Variants in MAST2 observed in about 807,000 individuals in gnomAD.
The protein encoded by MAST2 is microtubule-associated serine/threonine-protein kinase 2.
Under a neutral mutation model 147.4 loss-of-function variants are expected in MAST2, and 70 were observed. The ratio of observed to expected loss-of-function variants is 0.47; its 90% CI spans 0.39 to 0.58. MAST2 has a LOEUF of 0.58. MAST2 is among the 20% of genes least tolerant of loss of function. The probability of loss-of-function intolerance (pLI) is 0.00; values close to 1 mark genes in which losing one functional copy is unlikely to be tolerated. For missense variants in MAST2, 2,080 were observed against 2,302.3 expected, an observed-to-expected ratio of 0.90 and a Z score of 1.98; for synonymous variants, 869 against 896.8, an observed-to-expected ratio of 0.97 and a Z score of 0.55.
chr1:45,895,614 T>C (rs1011082561), intron 4 of MAST2, among the ~76,000 whole-genome samples: 1 of 152,238 alleles, frequency 6.6e-6, no homozygotes, highest in Non-Finnish European at 1.5e-5. Context: ...GTTAATTCTT[T>C]GGACATTTGG....
chr1:45,847,740 G>A (rs2147961605), intron 3 of MAST2: 1 of 247,564 alleles, frequency 4.0e-6, no homozygotes, highest in East Asian at 1.1e-4. Flanking sequence ...TTTTTTTTAA[G>A]ATGAGATTTT....
At chr1:45,921,081 C>T (rs1298920011) in intron 4 of MAST2, among the ~76,000 whole-genome samples, 1 of 152,168 alleles carries the variant, frequency 6.6e-6, no homozygotes, top group East Asian at 1.9e-4. Context: ...CTGCAAGCTC[C>T]ATCTCCCGGG....
chr1:45,984,391 C>A (rs1235942372), intron 5 of MAST2, among the ~76,000 whole-genome samples: 1 of 151,464 alleles, frequency 6.6e-6, no homozygotes, highest in Non-Finnish European at 1.5e-5. Flanking sequence ...GCAGCGTTGA[C>A]CTCCTGGGCT....
chr1:46,019,688 G>A lies in MAST2; in HGVS notation c.1281G>A (p.Leu427=). The A allele has an allele frequency of 6.2e-7, 1 of 1,614,122 alleles. No homozygotes were observed. The highest frequency in any genetic ancestry group is 8.5e-7 in the Non-Finnish European group (1 of 1,179,978). Residue 427 remains leucine (L), a synonymous_variant, in exon 11 of 29, where the codon CTG becomes CTA. Transcript: ENST00000361297. ...TCATTGCCCGCCCAGCACGTCTCCT[G>A]GAATGCCTGGTGAGTGGACTCTAGG... ...MIIIARPARL[L]ECLEFDPEEF... is the part of the protein sequence containing the mutation.
intron 5 of MAST2, among the ~76,000 whole-genome samples, chr1:45,990,906 T>TC (rs1557436533): frequency 3.3e-5 from 5 of 152,238 alleles, no homozygotes; most frequent in Admixed American, 1.3e-4. Flanking sequence ...ATGTTTTTTT[T>TC]CATGGTTTTG....
chr1:45,922,320 C>G (rs376456648), intron 4 of MAST2, among the ~76,000 whole-genome samples: 1 of 152,252 alleles, frequency 6.6e-6, no homozygotes, highest in Admixed American at 6.5e-5. Flanking sequence ...TGGGTCTTCA[C>G]TGTGGACCAG....
intron 3 of MAST2, among the ~76,000 whole-genome samples, chr1:45,875,454 A>G (rs913652836): frequency 6.6e-6 from 1 of 152,204 alleles, no homozygotes; most frequent in African/African-American, 2.4e-5. Context: ...TCAAAAAAAT[A>G]AAAAGTTATT....
At chr1:45,814,095 A>G (rs1644381387) in intron 1 of MAST2, among the ~76,000 whole-genome samples, 1 of 152,246 alleles carries the variant, frequency 6.6e-6, no homozygotes, top group Non-Finnish European at 1.5e-5. Flanking sequence ...GGTACAGCAC[A>G]TAGAGTTAGT....
intron 4 of MAST2, among the ~76,000 whole-genome samples, 175 bp from the exon 5 acceptor site, chr1:45,959,211 C>T (rs955250987): frequency 6.6e-6 from 1 of 152,146 alleles, no homozygotes; most frequent in African/African-American, 2.4e-5. Context: ...AGGAGGAACA[C>T]AGTGCTTTAT....
chr1:45,998,171 C>T (rs577994026), intron 6 of MAST2, among the ~76,000 whole-genome samples: 1 of 152,300 alleles, frequency 6.6e-6, no homozygotes, highest in African/African-American at 2.4e-5. Context: ...AAGCTCTCCT[C>T]CAGGAGGACC....
intron 5 of MAST2, among the ~76,000 whole-genome samples, chr1:45,992,848 T>G (rs1413469988): frequency 1.3e-5 from 2 of 152,158 alleles, no homozygotes; most frequent in Admixed American, 1.3e-4. Flanking sequence ...TTTTTCTCCT[T>G]CCGTGATCTT....
In MAST2 at chr1:45,883,503, G is replaced by A. The variant is rs1415592029; in HGVS notation, c.500+1108G>A. On this transcript the variant is annotated intron_variant, in intron 4 of 28. Coordinates refer to ENST00000361297, the MANE Select transcript of MAST2 (RefSeq NM_015112.3). ...CCATTTAACTAGCTTTGTAAACCTAGACAAATCACTTTATCTTCTTAAACC... is the reference window on the plus strand; with the variant it reads ...CCATTTAACTAGCTTTGTAAACCTAAACAAATCACTTTATCTTCTTAAACC... 4.6e-5 allele frequency among the ~76,000 whole-genome samples: 7 copies of A among 152,170 alleles called. No homozygotes were observed. In the East Asian group the frequency reaches 1.3e-3, roughly 29 times the overall value.
intron 3 of MAST2, among the ~76,000 whole-genome samples, chr1:45,873,346 C>G (rs1191726761): frequency 6.6e-6 from 1 of 151,974 alleles, no homozygotes; most frequent in Non-Finnish European, 1.5e-5. Flanking sequence ...GCGTGCACCA[C>G]CACTCCTGGC....
rs555351080 is a variant in MAST2 at position 46,015,848 on chromosome 1, C to A, written c.1189-3748C>A. ...TATGATGCCAGCATCATCCTGATAC[C>A]AAAGCCGGGCAGAGACACAACTAAA... On this transcript the variant is annotated intron_variant, in intron 10 of 28. Coordinates refer to ENST00000361297, the MANE Select transcript of MAST2 (RefSeq NM_015112.3). Among the ~76,000 whole-genome samples the A allele has an allele frequency of 1.4e-4, 22 of 152,230 alleles. 1 individual carries two copies. The East Asian group carries it at 4.1e-3, about 28-fold the overall frequency.
At chr1:45,890,114 T>A (rs1258569448) in intron 4 of MAST2, among the ~76,000 whole-genome samples, 5 of 152,164 alleles carry the variant, frequency 3.3e-5, no homozygotes, top group Non-Finnish European at 5.9e-5. Context: ...ACACCTCACT[T>A]CCTTATGAAA....
At chr1:45,928,508 A>G (rs1434379068) in intron 4 of MAST2, among the ~76,000 whole-genome samples, 1 of 152,092 alleles carries the variant, frequency 6.6e-6, no homozygotes, top group Non-Finnish European at 1.5e-5. Context: ...TGTTAATATT[A>G]CTGGGACAAC....
chr1:45,978,890 A>G (rs926909411), intron 5 of MAST2, among the ~76,000 whole-genome samples: 2 of 152,344 alleles, frequency 1.3e-5, no homozygotes, highest in South Asian at 2.1e-4. Context: ...GACTGCTAAC[A>G]GGTATAGATT....
chr1:45,994,808 A>G (rs543010823), intron 5 of MAST2, among the ~76,000 whole-genome samples: 36 of 151,636 alleles, frequency 2.4e-4, no homozygotes, highest in Non-Finnish European at 4.4e-4. Flanking sequence ...CTAGAATTCT[A>G]GGTTGGCAGG....
chr1:45,876,895 G>T (rs139073993), intron 3 of MAST2, among the ~76,000 whole-genome samples: 63 of 152,272 alleles, frequency 4.1e-4, no homozygotes, highest in African/African-American at 1.5e-3. Flanking sequence ...ATTATTGTTA[G>T]CCAAAACTGT....
Sources: gnomAD v4.1 joint callset for allele counts (sites outside exome capture counted in the v4.1 genomes callset) on GRCh38, gnomAD v4.1.1 for gene constraint, MANE v1.5 for transcripts, NCBI Gene and HGNC (gene_info 2026-07-23, HGNC 2026-07-21) for gene names.